The following GULP1 variants were observed in gnomAD, a reference collection of about 807,000 sequenced individuals.
GULP1 encodes the protein PTB domain-containing engulfment adapter protein 1.
A neutral mutation model predicts 40.9 loss-of-function variants in GULP1; 19 were observed. The observed-to-expected ratio is 0.46, with a 90% confidence interval of 0.32 to 0.68. The LOEUF is 0.68. Ranked by LOEUF, GULP1 falls within the 30% of genes least tolerant of loss-of-function variation. GULP1 has a pLI of 0.03. For missense variants in GULP1, 312 were observed against 362.2 expected, an observed-to-expected ratio of 0.86 and a Z score of 1.12; for synonymous variants, 119 against 117.6, an observed-to-expected ratio of 1.01 and a Z score of -0.08.
intron 1 of GULP1, among the ~76,000 whole-genome samples, chr2:188,323,001 C>T (rs1181200425): frequency 6.6e-6 from 1 of 152,044 alleles, no homozygotes; most frequent in East Asian, 1.9e-4. Flanking sequence ...CATTCCTCCC[C>T]CTACTTGATA....
intron 1 of GULP1, among the ~76,000 whole-genome samples, chr2:188,321,373 A>G (rs1228872649): frequency 6.6e-6 from 1 of 152,178 alleles, no homozygotes; most frequent in Non-Finnish European, 1.5e-5. Context: ...TTTGTAAATT[A>G]ATATAAACCA....
intron 11 of GULP1, chr2:188,588,740 A>G (rs1009570176): frequency 3.3e-5 from 5 of 152,040 alleles, no homozygotes; most frequent in African/African-American, 1.2e-4. Context: ...AGAAGGAGGT[A>G]TTTTTGTTTA....
intron 2 of GULP1, among the ~76,000 whole-genome samples, chr2:188,427,102 C>G (rs1041137460): frequency 3.9e-5 from 6 of 152,134 alleles, no homozygotes; most frequent in African/African-American, 1.2e-4. Context: ...TTTAGGGTAT[C>G]TGGAGGATGA....
intron 1 of GULP1, among the ~76,000 whole-genome samples, chr2:188,311,711 GTTTATTTATA>G (rs750027255): frequency 2.0e-5 from 3 of 147,360 alleles, no homozygotes; most frequent in Non-Finnish European, 4.5e-5. Context: ...TTATAAAAAT[GTTTATTTATA>G]TTTATATATT....
intron 4 of GULP1, among the ~76,000 whole-genome samples, chr2:188,503,777 A>C (rs1259050811): frequency 6.6e-6 from 1 of 151,898 alleles, no homozygotes; most frequent in African/African-American, 2.4e-5. Context: ...CAAATCTTAT[A>C]AACGATGGAG....
At chr2:188,349,207 C>G (rs943328122) in intron 1 of GULP1, among the ~76,000 whole-genome samples, 1 of 152,100 alleles carries the variant, frequency 6.6e-6, no homozygotes, top group Non-Finnish European at 1.5e-5. Flanking sequence ...ATATGCTGCT[C>G]TGAACATTTG....
intron 4 of GULP1, among the ~76,000 whole-genome samples, chr2:188,504,102 A>C (rs1343277459): frequency 1.3e-5 from 2 of 151,912 alleles, no homozygotes; most frequent in East Asian, 3.9e-4. Flanking sequence ...GATGCTTTGG[A>C]GAGCTAAGGA....
intron 1 of GULP1, among the ~76,000 whole-genome samples, chr2:188,329,406 T>A (rs1307014374): frequency 2.0e-5 from 3 of 152,068 alleles, no homozygotes; most frequent in Non-Finnish European, 4.4e-5. Flanking sequence ...ACATTATCAG[T>A]GACATGTGAA....
chr2:188,473,147 G>T lies in GULP1; in HGVS notation c.-44-4512G>T, dbSNP rs547496195. On this transcript the variant is annotated intron_variant, in intron 2 of 11. Coordinates refer to ENST00000409830, the MANE Select transcript of GULP1 (RefSeq NM_016315.4). ...TTTCTTTTTCTTTCAAACAAATGGG[G>T]TCTCTCTTTCTCTCTCTCTCTCTCT... Among the ~76,000 whole-genome samples, 161 of 147,382 alleles carry T rather than the reference G, an allele frequency of 1.1e-3. 7 individuals are homozygous for T. The South Asian group carries it at 0.032, about 29-fold the overall frequency.
intron 7 of GULP1, among the ~76,000 whole-genome samples, chr2:188,568,312 A>G (rs1186513867): frequency 6.6e-6 from 1 of 152,226 alleles, no homozygotes; most frequent in Non-Finnish European, 1.5e-5. Flanking sequence ...TAAATATGAC[A>G]TAATTGTGAC....
chr2:188,499,135 G>GTATATATATATA (rs893185238), intron 4 of GULP1, among the ~76,000 whole-genome samples: 2 of 56,358 alleles, frequency 3.5e-5, no homozygotes, highest in South Asian at 8.1e-4. Flanking sequence ...ATATGTGTGT[G>GTATATATATATA]TATATATATA....
intron 2 of GULP1, among the ~76,000 whole-genome samples, chr2:188,392,317 G>C (rs992116443): frequency 3.3e-5 from 5 of 151,728 alleles, no homozygotes; most frequent in Non-Finnish European, 5.9e-5. Context: ...ATTTCTTCTT[G>C]ATTTAATCTA....
intron 2 of GULP1, among the ~76,000 whole-genome samples, chr2:188,407,374 G>C (rs2053264153): frequency 6.6e-6 from 1 of 152,128 alleles, no homozygotes; most frequent in African/African-American, 2.4e-5. Flanking sequence ...TCCTGTAATG[G>C]TGACATGTAA....
intron 2 of GULP1, among the ~76,000 whole-genome samples, chr2:188,421,525 A>G: frequency 6.6e-6 from 1 of 152,184 alleles, no homozygotes; most frequent in East Asian, 1.9e-4. Context: ...TAGTACTTTT[A>G]TCAACCTACT....
chr2:188,320,686 G>A (rs7419883), intron 1 of GULP1, among the ~76,000 whole-genome samples: 114,290 of 151,988 alleles, frequency 0.75, 43,413 homozygotes, highest in East Asian at 0.95. Context: ...TAAAGTTTAA[G>A]TATGTATGGA....
intron 2 of GULP1, among the ~76,000 whole-genome samples, chr2:188,464,074 G>T (rs2059925610): frequency 6.6e-6 from 1 of 152,030 alleles, no homozygotes; most frequent in Admixed American, 6.5e-5. Context: ...GATACTTGTA[G>T]ATGTTAATGT....
rs971525395 is a variant in GULP1, at chr2:188,565,294, A to G, written c.400-3945A>G. On this transcript the variant is annotated intron_variant, in intron 7 of 11. Coordinates refer to ENST00000409830, the MANE Select transcript of GULP1 (RefSeq NM_016315.4). ...GCTATATTCCCAATACGTGTATCTG[A>G]AAAAGGATCTGTATCCAGACTATAT... Among the ~76,000 whole-genome samples, 13 of 152,140 alleles carry G rather than the reference A, an allele frequency of 8.5e-5. No homozygotes were observed. The South Asian group carries it at 1.0e-3, about 12-fold the overall frequency.
chr2:188,392,294 G>C (rs1469137262), intron 2 of GULP1, among the ~76,000 whole-genome samples: 1 of 135,170 alleles, frequency 7.4e-6, no homozygotes, highest in Admixed American at 7.9e-5. Flanking sequence ...TTATTGGTTT[G>C]TTCAGGGTTT....
intron 2 of GULP1, among the ~76,000 whole-genome samples, chr2:188,432,129 T>G (rs2056937353): frequency 6.6e-6 from 1 of 151,710 alleles, no homozygotes; most frequent in Non-Finnish European, 1.5e-5. Context: ...CAGCATTTTA[T>G]AGATAAGAAC....
Sources: gnomAD v4.1 joint callset for allele counts (sites outside exome capture counted in the v4.1 genomes callset) on GRCh38, gnomAD v4.1.1 for gene constraint, MANE v1.5 for transcripts, NCBI Gene and HGNC (gene_info 2026-07-23, HGNC 2026-07-21) for gene names.